DOCK4: variants seen among roughly 807,000 people sequenced by gnomAD.
The protein encoded by DOCK4 is dedicator of cytokinesis 4.
Under a neutral mutation model 268.1 loss-of-function variants are expected in DOCK4, and 97 were observed. The observed-to-expected ratio is 0.36, with a 90% CI of 0.31 to 0.43. The LOEUF is 0.43. Among genes scored for constraint, DOCK4 ranks in the 20% least tolerant of loss-of-function variants. The probability of loss-of-function intolerance (pLI) is 1.00; values close to 1 mark genes in which losing one functional copy is unlikely to be tolerated. For synonymous variants in DOCK4, 954 were observed against 887.2 expected (o/e 1.08, Z -1.34); for missense variants, 2,145 against 2,455.7 (o/e 0.87, Z 2.67).
At chr7:111,990,252 G>C (rs1799417032) in intron 5 of DOCK4, among the ~76,000 whole-genome samples, 1 of 152,138 alleles carries the variant, frequency 6.6e-6, no homozygotes, top group Non-Finnish European at 1.5e-5. Flanking sequence ...TACAAATACT[G>C]TTTCTTCCCC....
At chr7:112,098,339 C>T (rs530392070) in intron 1 of DOCK4, among the ~76,000 whole-genome samples, 54 of 151,786 alleles carry the variant, frequency 3.6e-4, no homozygotes, top group Non-Finnish European at 6.6e-4. Context: ...CCACCACACC[C>T]GAGTAACTTT....
intron 35 of DOCK4, among the ~76,000 whole-genome samples, chr7:111,780,398 T>C (rs10264762): frequency 3.5e-3 from 526 of 152,342 alleles, no homozygotes; most frequent in African/African-American, 0.012. Flanking sequence ...TTAGCAAGAA[T>C]TGTTGTATCA....
chr7:111,844,216 T>C (rs1803915221), intron 25 of DOCK4, among the ~76,000 whole-genome samples: 1 of 152,036 alleles, frequency 6.6e-6, no homozygotes, highest in Non-Finnish European at 1.5e-5. Context: ...ATGGAGGTTG[T>C]AGTAAGCCAA....
At chr7:112,061,316 G>A (rs1586741077) in intron 1 of DOCK4, among the ~76,000 whole-genome samples, 2 of 152,218 alleles carry the variant, frequency 1.3e-5, no homozygotes, top group South Asian at 4.1e-4. Context: ...CTTGAGGATT[G>A]CAAAGGTGGG....
intron 1 of DOCK4, among the ~76,000 whole-genome samples, chr7:112,133,356 G>A (rs1023930480): frequency 2.0e-5 from 3 of 152,130 alleles, no homozygotes; most frequent in African/African-American, 4.8e-5. Flanking sequence ...TCATATAAAT[G>A]AGCACACTTT....
Position 111,869,603 on chromosome 7 carries a change from G to T in DOCK4, c.2080C>A (p.Arg694=), listed in dbSNP as rs773221466. 2 of 1,613,460 alleles carry T rather than the reference G, an allele frequency of 1.2e-6. No homozygotes were observed. The highest frequency in any genetic ancestry group is 4.5e-5 in the East Asian group (2 of 44,858). ...WYVDRITEAE[R]QEHIQEVLKA... ...AGCACCTCCTGGATATGCTCTTGCC[G>T]CTCTGCTTCTGTGATCCGGTCCACG... Residue 694 remains arginine (R), a synonymous_variant, in exon 21 of 53, where the codon CGG becomes AGG. Transcript: ENST00000428084.
intron 15 of DOCK4, among the ~76,000 whole-genome samples, chr7:111,899,304 C>T (rs1248271056): frequency 6.6e-6 from 1 of 152,204 alleles, no homozygotes; most frequent in Non-Finnish European, 1.5e-5. Flanking sequence ...AGCCCCTATT[C>T]CTTCCAGACT....
chr7:111,785,770 T>C (rs1393547119), intron 32 of DOCK4, among the ~76,000 whole-genome samples: 1 of 152,198 alleles, frequency 6.6e-6, no homozygotes, highest in African/African-American at 2.4e-5. Flanking sequence ...ATAATGCCCA[T>C]GTGCCCACAT....
At chr7:112,024,446 T>A (rs1047899646) in intron 1 of DOCK4, among the ~76,000 whole-genome samples, 2 of 152,220 alleles carry the variant, frequency 1.3e-5, no homozygotes, top group African/African-American at 4.8e-5. Flanking sequence ...TCCATCCCAG[T>A]AAATGGCCAA....
chr7:111,731,233 T>C (rs1222377239), intron 52 of DOCK4, among the ~76,000 whole-genome samples: 1 of 152,200 alleles, frequency 6.6e-6, no homozygotes, highest in Non-Finnish European at 1.5e-5. Flanking sequence ...TCACACTTCT[T>C]TCAATTTTCT....
chr7:111,884,200 A>G (rs1185559218), intron 16 of DOCK4, among the ~76,000 whole-genome samples: 1 of 152,180 alleles, frequency 6.6e-6, no homozygotes, highest in African/African-American at 2.4e-5. Flanking sequence ...TTAATATACC[A>G]TACAAATACT....
chr7:112,138,052 T>C lies in DOCK4; in HGVS notation c.37+68050A>G, dbSNP rs536508563. On this transcript the variant is annotated intron_variant, in intron 1 of 52. Coordinates refer to ENST00000428084, the MANE Select transcript of DOCK4 (RefSeq NM_001363540.2). Reference sequence around the variant, plus strand: ...CTCTACAATCATCTCCCATATGACATACTTGCTAAAACTTTTGTCTACTTC... The same window carrying C: ...CTCTACAATCATCTCCCATATGACACACTTGCTAAAACTTTTGTCTACTTC... Among the ~76,000 whole-genome samples the C allele has an allele frequency of 5.9e-5, 9 of 152,346 alleles. No individual in the cohort carries two copies. In the East Asian group the frequency reaches 1.7e-3, roughly 29 times the overall value.
rs984811267 is a variant in DOCK4, at chr7:111,956,153, C to T, written c.702-10355G>A. Among the ~76,000 whole-genome samples the T allele has an allele frequency of 9.2e-5, 14 of 152,082 alleles. No homozygotes were observed. The South Asian group carries it at 1.9e-3, about 20-fold the overall frequency. On this transcript the variant is annotated intron_variant, in intron 8 of 52. Transcript: ENST00000428084. ...TGTAAACACTGTATCTTTGACATTTCGTGAGAAAAGAATCACTCTGATCTA... is the reference window on the plus strand; with the variant it reads ...TGTAAACACTGTATCTTTGACATTTTGTGAGAAAAGAATCACTCTGATCTA...
intron 23 of DOCK4, among the ~76,000 whole-genome samples, chr7:111,856,083 T>A (rs1025480110): frequency 1.3e-5 from 2 of 152,176 alleles, no homozygotes; most frequent in African/African-American, 4.8e-5. Flanking sequence ...TCCCACTACC[T>A]TGCAAGCCAC....
chr7:111,916,980 GTTTTTTTTTTTTT>G (rs749349556), intron 12 of DOCK4, among the ~76,000 whole-genome samples: 2 of 83,992 alleles, frequency 2.4e-5, no homozygotes, highest in East Asian at 4.7e-4. Flanking sequence ...TTTCCCCCAT[GTTTTTTTTTTTTT>G]TTTTTTTTTT....
intron 1 of DOCK4, among the ~76,000 whole-genome samples, chr7:112,184,538 T>A (rs964248995): frequency 6.6e-6 from 1 of 152,144 alleles, no homozygotes; most frequent in Admixed American, 6.6e-5. Context: ...TTTTTCCTTT[T>A]GGAGCAAAAG....
rs141197203 is a variant in DOCK4 at position 111,871,803 on chromosome 7, T to C, written c.2027+187A>G. 5.4e-3 allele frequency among the ~76,000 whole-genome samples: 823 copies of C among 152,300 alleles called. 6 individuals carry two copies. The highest frequency in any genetic ancestry group is 0.018 in the African/African-American group (747 of 41,552). On this transcript the variant is annotated intron_variant, in intron 20 of 52. Coordinates refer to ENST00000428084, the MANE Select transcript of DOCK4 (RefSeq NM_001363540.2). ...GAATTCAGGAGGTTTTTTTCCCTTT[T>C]TAATCAAAATAAGTTCTACCCATTT...
intron 16 of DOCK4, among the ~76,000 whole-genome samples, chr7:111,878,022 C>T (rs968155118): frequency 6.6e-6 from 1 of 152,120 alleles, no homozygotes; most frequent in Non-Finnish European, 1.5e-5. Flanking sequence ...AGTGCTGAAC[C>T]CCAGTCCATC....
At chr7:111,992,903 C>A (rs530649177) in intron 5 of DOCK4, among the ~76,000 whole-genome samples, 3 of 152,150 alleles carry the variant, frequency 2.0e-5, no homozygotes, top group African/African-American at 7.2e-5. Flanking sequence ...TGAATTCTTT[C>A]CAACATTTAC....
Sources: allele counts gnomAD v4.1 joint callset (sites outside exome capture counted in the v4.1 genomes callset), GRCh38; gene constraint gnomAD v4.1.1; transcripts MANE v1.5; gene names NCBI Gene and HGNC (gene_info 2026-07-23, HGNC 2026-07-21).